Variants in CYYR1 observed in about 807,000 individuals in gnomAD.
The protein encoded by CYYR1 is cysteine and tyrosine rich 1.
A neutral mutation model predicts 15.2 loss-of-function variants in CYYR1; 14 were observed. The observed-to-expected ratio is 0.92, with a 90% CI of 0.61 to 1.44. The LOEUF is 1.44. Among genes scored for constraint, CYYR1 ranks in the 40% most tolerant of loss-of-function variants. CYYR1 has a pLI of 0.00. For synonymous variants in CYYR1, 80 were observed against 77.4 expected, an observed-to-expected ratio of 1.03 and a Z score of -0.18; for missense variants, 228 against 209.5, an observed-to-expected ratio of 1.09 and a Z score of -0.54.
intron 2 of CYYR1, among the ~76,000 whole-genome samples, chr21:26,533,809 G>A (rs2065963421): frequency 6.6e-6 from 1 of 152,168 alleles, no homozygotes; most frequent in South Asian, 2.1e-4. Context: ...GTTCGTCTGA[G>A]AGTGAAAAGA....
At chr21:26,562,829 C>CACACACACACACACAT (rs1555912082) in intron 2 of CYYR1, among the ~76,000 whole-genome samples, 1 of 150,718 alleles carries the variant, frequency 6.6e-6, no homozygotes, top group African/African-American at 2.4e-5. Flanking sequence ...CACACACACA[C>CACACACACACACACAT]GGACAGACTT....
chr21:26,499,223 C>G (rs1296358974), intron 2 of CYYR1, among the ~76,000 whole-genome samples: 1 of 152,098 alleles, frequency 6.6e-6, no homozygotes, highest in African/African-American at 2.4e-5. Flanking sequence ...AGGGTTCATA[C>G]TGGATTACCT....
At chr21:26,525,725 C>T (rs924047936) in intron 2 of CYYR1, among the ~76,000 whole-genome samples, 1 of 152,148 alleles carries the variant, frequency 6.6e-6, no homozygotes, top group Non-Finnish European at 1.5e-5. Context: ...GGCTATCTGA[C>T]CCCCCAAATC....
intron 2 of CYYR1, among the ~76,000 whole-genome samples, chr21:26,528,604 G>A (rs2065893847): frequency 3.3e-5 from 5 of 152,144 alleles, no homozygotes; most frequent in Admixed American, 2.0e-4. Context: ...GTAGAACCAT[G>A]AGCCAAAATA....
At chr21:26,561,099 GA>G (rs1980164686) in intron 2 of CYYR1, among the ~76,000 whole-genome samples, 1 of 152,052 alleles carries the variant, frequency 6.6e-6, no homozygotes, top group Non-Finnish European at 1.5e-5. Flanking sequence ...ATATACATTT[GA>G]AAATCACTGA....
At chr21:26,521,483 C>T (rs1027989863) in intron 2 of CYYR1, among the ~76,000 whole-genome samples, 2 of 152,182 alleles carry the variant, frequency 1.3e-5, no homozygotes, top group Admixed American at 6.5e-5. Context: ...ACATCAAATT[C>T]AATAACAAAT....
rs1978530278 is a variant in CYYR1, at chr21:26,541,242, C to G, written c.176+25024G>C. Among the ~76,000 whole-genome samples the G allele has an allele frequency of 1.3e-5, 2 of 152,020 alleles. 1 individual carries two copies. The highest frequency in any genetic ancestry group is 4.1e-4 in the South Asian group (2 of 4,824). ...AAGAAAGAATGTTTAAAAATTTCCCCCATTTTACAGACTCAAAAACCTCAC... is the reference window on the plus strand; with the variant it reads ...AAGAAAGAATGTTTAAAAATTTCCCGCATTTTACAGACTCAAAAACCTCAC... On this transcript the variant is annotated intron_variant, in intron 2 of 3. Transcript: ENST00000652641.
intron 2 of CYYR1, among the ~76,000 whole-genome samples, chr21:26,484,905 G>A (rs2123417901): frequency 6.6e-6 from 1 of 152,170 alleles, no homozygotes; most frequent in African/African-American, 2.4e-5. Flanking sequence ...AAATCATGAA[G>A]TTGGTGCCCT....
intron 2 of CYYR1, among the ~76,000 whole-genome samples, chr21:26,494,122 C>A (rs1181582404): frequency 6.6e-6 from 1 of 152,138 alleles, no homozygotes; most frequent in Non-Finnish European, 1.5e-5. Flanking sequence ...CCTCCAGCTC[C>A]CTAGTACCAC....
intron 2 of CYYR1, chr21:26,483,291 T>C (rs1313240888): frequency 4.7e-6 from 1 of 211,378 alleles, no homozygotes; most frequent in Non-Finnish European, 8.2e-6. Context: ...TCTTTGATAC[T>C]TTCTCTACTG....
At chr21:26,484,424 C>A (rs1226874267) in intron 2 of CYYR1, among the ~76,000 whole-genome samples, 1 of 152,082 alleles carries the variant, frequency 6.6e-6, no homozygotes, top group Non-Finnish European at 1.5e-5. Flanking sequence ...TAAAATACTT[C>A]TATAGGCATT....
At chr21:26,504,903 T>C (rs953210457) in intron 2 of CYYR1, among the ~76,000 whole-genome samples, 1 of 152,162 alleles carries the variant, frequency 6.6e-6, no homozygotes. Flanking sequence ...AGTGAGAACA[T>C]GCAATGTTTG....
At chr21:26,473,185 A>C (rs2065057300) in intron 3 of CYYR1, among the ~76,000 whole-genome samples, 1 of 152,004 alleles carries the variant, frequency 6.6e-6, no homozygotes, top group Non-Finnish European at 1.5e-5. Context: ...GAACTGATGA[A>C]TCTCATGCCT....
At chr21:26,492,146 A>G (rs979396907) in intron 2 of CYYR1, among the ~76,000 whole-genome samples, 1 of 152,216 alleles carries the variant, frequency 6.6e-6, no homozygotes, top group Admixed American at 6.5e-5. Context: ...TTTTCATCAT[A>G]GCATCAATAT....
chr21:26,539,913 G>C (rs1327203460), intron 2 of CYYR1, among the ~76,000 whole-genome samples: 1 of 152,092 alleles, frequency 6.6e-6, no homozygotes, highest in Non-Finnish European at 1.5e-5. Flanking sequence ...GTTTGGGTTC[G>C]CATCTTTTTC....
At chr21:26,518,426 GC>G (rs2065761477) in intron 2 of CYYR1, 2 of 152,222 alleles carry the variant, frequency 1.3e-5, no homozygotes, top group Non-Finnish European at 2.9e-5. Flanking sequence ...GCAGTGGTGA[GC>G]TCTTGATAAA....
At chr21:26,503,555 C>A (rs948304187) in intron 2 of CYYR1, 1 of 152,150 alleles carries the variant, frequency 6.6e-6, no homozygotes. Flanking sequence ...TTTACCATCT[C>A]ATTTCTGTTC....
intron 2 of CYYR1, among the ~76,000 whole-genome samples, chr21:26,542,088 A>T (rs562592108): frequency 5.6e-4 from 85 of 152,288 alleles, no homozygotes; most frequent in African/African-American, 2.0e-3. Context: ...AGAATTACTT[A>T]AAAAGCATGA....
intron 1 of CYYR1, among the ~76,000 whole-genome samples, chr21:26,569,973 T>C (rs1201088098): frequency 1.3e-5 from 2 of 152,202 alleles, no homozygotes; most frequent in Non-Finnish European, 1.5e-5. Context: ...CTTCCCAGAA[T>C]TAAACTACCC....
Sources: gnomAD v4.1 joint callset for allele counts (sites outside exome capture counted in the v4.1 genomes callset) on GRCh38, gnomAD v4.1.1 for gene constraint, MANE v1.5 for transcripts, NCBI Gene and HGNC (gene_info 2026-07-23, HGNC 2026-07-21) for gene names.